The following ARHGEF26 variants were observed in gnomAD, a reference collection of about 807,000 sequenced individuals.
The protein encoded by ARHGEF26 is Rho guanine nucleotide exchange factor (GEF) 26.
ARHGEF26 carries 59 observed loss-of-function variants against 89.4 expected under a neutral mutation model. The ratio of observed to expected loss-of-function variants is 0.66; its 90% CI spans 0.54 to 0.82. The LOEUF is 0.82. ARHGEF26 is among the 40% of genes least tolerant of loss of function. The pLI, the probability that ARHGEF26 is intolerant of heterozygous loss-of-function variation, is 0.00. For missense variants in ARHGEF26, 1,234 were observed against 1,085.6 expected (o/e 1.14, Z -1.92); for synonymous variants, 500 against 428.4 (o/e 1.17, Z -2.06).
rs188343550 is a variant in ARHGEF26, at chr3:154,129,796, T to C, written c.1269+77T>C. ...AAATTATGTGTGGATTTGGCTTTTG[T>C]TCTTTTCTGCCAGTGATCCTGTAAC... On this transcript the variant is annotated intron_variant, in intron 4 of 14. Coordinates refer to ENST00000465093, the MANE Select transcript of ARHGEF26 (RefSeq NM_015595.4). The C allele has an allele frequency of 7.0e-5, 103 of 1,467,878 alleles. 1 individual carries two copies. In the East Asian group the frequency reaches 2.5e-3, roughly 36 times the overall value. 90.9% of individuals were successfully genotyped at this position (1,467,878 alleles called of 1,614,324 possible).
intron 6 of ARHGEF26, among the ~76,000 whole-genome samples, chr3:154,164,123 TTTAGGAC>T (rs1172786535): frequency 6.6e-6 from 1 of 152,154 alleles, no homozygotes; most frequent in African/African-American, 2.4e-5. Context: ...CAAGTCTTTT[TTTAGGAC>T]TTAAAGAATT....
intron 9 of ARHGEF26, 108 bp downstream of exon 9, chr3:154,194,826 T>C: frequency 1.1e-6 from 1 of 897,086 alleles, no homozygotes; most frequent in South Asian, 1.6e-5. Flanking sequence ...CTCACAGCCA[T>C]TTGTACAGCG....
chr3:154,239,967 G>A (rs373063990), intron 11 of ARHGEF26, among the ~76,000 whole-genome samples: 1 of 152,036 alleles, frequency 6.6e-6, no homozygotes, highest in African/African-American at 2.4e-5. Flanking sequence ...GGGGGTTTGG[G>A]GGGTGAGGTC....
At chr3:154,209,511 A>G (rs944124771) in intron 9 of ARHGEF26, among the ~76,000 whole-genome samples, 1 of 152,196 alleles carries the variant, frequency 6.6e-6, no homozygotes, top group African/African-American at 2.4e-5. Context: ...GCAGATTCAT[A>G]TAGGTACCAC....
At chr3:154,132,662 C>T (rs1431930859) in intron 4 of ARHGEF26, among the ~76,000 whole-genome samples, 2 of 151,878 alleles carry the variant, frequency 1.3e-5, no homozygotes, top group Non-Finnish European at 2.9e-5. Flanking sequence ...GAAGCTGCAG[C>T]GTTTAGGGCA....
chr3:154,256,276 A>G lies in ARHGEF26; in HGVS notation c.*803A>G, dbSNP rs1326896079. On this transcript the variant is annotated 3_prime_UTR_variant, in exon 15 of 15. Coordinates refer to ENST00000465093, the MANE Select transcript of ARHGEF26 (RefSeq NM_015595.4). ...CCACCTCTGTCGCCCAGGCTAGAGT[A>G]TAGTGGTGTGATCTTGGCCCACTGC... The G allele has an allele frequency of 4.1e-6, 4 of 983,982 alleles. No homozygotes were observed. The South Asian group carries it at 1.9e-4, about 46-fold the overall frequency. 61.0% of individuals were successfully genotyped at this position (983,982 alleles called of 1,614,324 possible).
intron 11 of ARHGEF26, among the ~76,000 whole-genome samples, chr3:154,231,103 T>C (rs1344261379): frequency 6.6e-6 from 1 of 152,232 alleles, no homozygotes; most frequent in African/African-American, 2.4e-5. Context: ...GTAAAAATGA[T>C]TGCAAGCTCC....
At chr3:154,251,500 T>C (rs1029577927) in intron 12 of ARHGEF26, among the ~76,000 whole-genome samples, 1 of 152,158 alleles carries the variant, frequency 6.6e-6, no homozygotes, top group African/African-American at 2.4e-5. Context: ...TGTTGGGCAA[T>C]GTTGTAGAGA....
chr3:154,211,867 ATG>A (rs3029699), intron 9 of ARHGEF26, among the ~76,000 whole-genome samples: 3,253 of 151,116 alleles, frequency 0.022, 105 homozygotes, highest in African/African-American at 0.074. Context: ...GTATATATAT[ATG>A]TGTGTGTGTG....
chr3:154,219,601 AAAG>A (rs1428141121), intron 10 of ARHGEF26, among the ~76,000 whole-genome samples: 2 of 151,408 alleles, frequency 1.3e-5, no homozygotes, highest in Non-Finnish European at 2.9e-5. Flanking sequence ...AAAAAAAAAA[AAAG>A]AAAAAGAAAA....
chr3:154,198,821 C>T (rs1195284313), intron 9 of ARHGEF26, among the ~76,000 whole-genome samples: 1 of 152,004 alleles, frequency 6.6e-6, no homozygotes, highest in Non-Finnish European at 1.5e-5. Context: ...TAAATCACCA[C>T]TAAAGAACTT....
chr3:154,218,296 C>T (rs183378561), intron 10 of ARHGEF26, among the ~76,000 whole-genome samples: 8 of 152,242 alleles, frequency 5.3e-5, no homozygotes, highest in African/African-American at 9.6e-5. Flanking sequence ...TCAAAATGTT[C>T]TGAAAAACAG....
intron 11 of ARHGEF26, among the ~76,000 whole-genome samples, chr3:154,228,799 C>A (rs1290495556): frequency 6.6e-6 from 1 of 152,160 alleles, no homozygotes; most frequent in Non-Finnish European, 1.5e-5. Context: ...CAACCCTGAA[C>A]AAGGCGATAA....
At chr3:154,147,555 G>C (rs1015149004) in intron 4 of ARHGEF26, among the ~76,000 whole-genome samples, 1 of 152,188 alleles carries the variant, frequency 6.6e-6, no homozygotes, top group African/African-American at 2.4e-5. Context: ...TTGAAGAAAT[G>C]GGATAAATTT....
chr3:154,122,691 G>A lies in ARHGEF26; in HGVS notation c.699G>A (p.Val233=). Residue 233 remains valine (V), a synonymous_variant, in exon 2 of 15, where the codon GTG becomes GTA. Coordinates refer to ENST00000465093, the MANE Select transcript of ARHGEF26 (RefSeq NM_015595.4). ...QENELLENPS[V]VLSTNSPAAL... Reference sequence around the variant, plus strand: ...ACGAGCTCCTCGAGAATCCTTCCGTGGTTTTGAGTACAAACAGCCCCGCCG... The same window carrying A: ...ACGAGCTCCTCGAGAATCCTTCCGTAGTTTTGAGTACAAACAGCCCCGCCG... 1 of 1,613,796 alleles carries A rather than the reference G, an allele frequency of 6.2e-7. No homozygotes were observed. Among genetic ancestry groups the A allele is most frequent in the Non-Finnish European group, 8.5e-7 (1 of 1,179,832 alleles).
chr3:154,187,387 T>TC (rs1713641200), intron 6 of ARHGEF26, among the ~76,000 whole-genome samples: 1 of 150,938 alleles, frequency 6.6e-6, no homozygotes, highest in African/African-American at 2.4e-5. Flanking sequence ...TTGATTTTTT[T>TC]TTTTTTTTTT....
intron 9 of ARHGEF26, among the ~76,000 whole-genome samples, chr3:154,215,751 C>T (rs1413972680): frequency 6.6e-6 from 1 of 152,144 alleles, no homozygotes; most frequent in African/African-American, 2.4e-5. Flanking sequence ...GAAAGCTATC[C>T]TGTCTCTTCT....
Position 154,124,391 on chromosome 3 carries a change from A to ATT in ARHGEF26, c.1084-19_1084-18insTT. 1.0e-6 allele frequency: 1 copy of ATT among 999,356 alleles called. No homozygotes were observed. 61.9% of individuals were successfully genotyped at this position (999,356 alleles called of 1,614,324 possible). A position where few individuals can be genotyped will look rare whatever the true frequency, so the allele number is the denominator to read the frequency against. On this transcript the variant is annotated intron_variant, in intron 2 of 14. Transcript: ENST00000465093. ...CTTTTCCTTTTTTTTTTTTTTTTTT[A>ATT]CTTTTTTTTGTCTCTTAGAAAAAAA...
chr3:154,215,126 C>T (rs1347283644), intron 9 of ARHGEF26, among the ~76,000 whole-genome samples: 5 of 152,194 alleles, frequency 3.3e-5, no homozygotes, highest in Non-Finnish European at 7.3e-5. Context: ...TAAGACCTTG[C>T]ATGATCTAAC....
Sources: allele counts gnomAD v4.1 joint callset (sites outside exome capture counted in the v4.1 genomes callset), GRCh38; gene constraint gnomAD v4.1.1; transcripts MANE v1.5; gene names NCBI Gene and HGNC (gene_info 2026-07-23, HGNC 2026-07-21).